Variants in MYO7A observed in about 807,000 individuals in gnomAD.
The protein encoded by MYO7A is myosin VIIA.
In MYO7A, 210 loss-of-function variants were observed where a neutral mutation model predicts 263.8. That is an observed-to-expected ratio of 0.80 (90% CI 0.71 to 0.89). The LOEUF (loss-of-function observed/expected upper bound fraction) is 0.89. MYO7A is among the 40% of genes least tolerant of loss of function. MYO7A has a pLI of 0.00. For synonymous variants in MYO7A, 1,239 were observed against 1,197.3 expected (o/e 1.03, Z -0.72); for missense variants, 2,820 against 2,968.3 (o/e 0.95, Z 1.16).
chr11:77,176,816 G>C (rs961367054), intron 18 of MYO7A, among the ~76,000 whole-genome samples: 10 of 152,182 alleles, frequency 6.6e-5, no homozygotes, highest in African/African-American at 4.8e-5. Context: ...ATGTCTCCCT[G>C]GTTCATTGTG....
intron 22 of MYO7A, among the ~76,000 whole-genome samples, chr11:77,180,839 C>T (rs1235763910): frequency 6.6e-6 from 1 of 152,152 alleles, no homozygotes; most frequent in African/African-American, 2.4e-5. Context: ...TGCAGTGTGG[C>T]CTGTCCGAAT....
intron 3 of MYO7A, among the ~76,000 whole-genome samples, chr11:77,143,283 G>C (rs1460231785): frequency 6.6e-6 from 1 of 152,220 alleles, no homozygotes; most frequent in Non-Finnish European, 1.5e-5. Flanking sequence ...CCATACATGA[G>C]ATCACACGTG....
chr11:77,192,363 C>A (rs2135578391), intron 31 of MYO7A, 85 bp downstream of exon 31: 1 of 1,369,042 alleles, frequency 7.3e-7, no homozygotes, highest in South Asian at 1.2e-5. Context: ...CCTCTGTGAG[C>A]CATCATTAGC....
At chr11:77,165,649 G>A (rs1333343819) in intron 14 of MYO7A, among the ~76,000 whole-genome samples, 2 of 152,214 alleles carry the variant, frequency 1.3e-5, no homozygotes, top group Non-Finnish European at 2.9e-5. Flanking sequence ...CAACCACAAG[G>A]TGGTTTTAAT....
chr11:77,175,039 C>A, intron 17 of MYO7A, 125 bp downstream of exon 17: 2 of 1,254,772 alleles, frequency 1.6e-6, no homozygotes, highest in Non-Finnish European at 2.2e-6. Flanking sequence ...AGGTGCAGCA[C>A]GGAAAATTGG....
At position 77,214,810 on chromosome 11, in the gene MYO7A, G is replaced by A. The variant is rs1200145638; in HGVS notation, c.*114G>A. The A allele has an allele frequency of 2.3e-6, 2 of 874,342 alleles. No individual in the cohort carries two copies. Among genetic ancestry groups the A allele is most frequent in the Non-Finnish European group, 3.5e-6 (2 of 564,648 alleles). 54.2% of individuals were successfully genotyped at this position (874,342 alleles called of 1,614,324 possible). On this transcript the variant is annotated 3_prime_UTR_variant, in exon 49 of 49. Coordinates refer to ENST00000409709, the MANE Select transcript of MYO7A (RefSeq NM_000260.4). ...TTATGCCATCCCGGCAGCGAGGCTG[G>A]GCTGGCCAGCCACCACTGACTATAC... is the stretch of plus-strand genomic sequence containing the variant.
At chr11:77,212,017 G>A (rs529310801) in intron 46 of MYO7A, 80 bp downstream of exon 46, 1 of 1,215,070 alleles carries the variant, frequency 8.2e-7, no homozygotes, top group East Asian at 2.5e-5. Context: ...CTAGGACTGT[G>A]GGAAAGAGCC....
intron 15 of MYO7A, among the ~76,000 whole-genome samples, chr11:77,171,187 G>A (rs550961648): frequency 1.8e-4 from 28 of 152,220 alleles, no homozygotes; most frequent in Non-Finnish European, 2.8e-4. Context: ...GTGTACACGC[G>A]GTGGTATGCG....
At chr11:77,176,294 A>G (rs782721722) in intron 18 of MYO7A, among the ~76,000 whole-genome samples, 4 of 152,112 alleles carry the variant, frequency 2.6e-5, no homozygotes, top group Non-Finnish European at 4.4e-5. Context: ...GCATTTCCTC[A>G]TCAGCAAGAT....
In MYO7A at chr11:77,208,774, A is replaced by G. The variant is rs569491791; in HGVS notation, c.6022A>G (p.Met2008Val). ...WTTTVPGKDP[M>V]ADSIFHYYQE... The stretch of plus-strand genomic sequence containing the variant: ...CACCACGGTGCCAGGGAAGGATCCC[A>G]TGGCCGATTCCATCTTCCACTATTA... The change falls in exon 44 of 49, where the codon ATG (methionine) becomes GTG (valine). Residue 2008 changes from methionine (M) to valine (V), a missense_variant. By Grantham distance (21) the Met-to-Val change is conservative (BLOSUM62 1). Transcript: ENST00000409709. The G allele has an allele frequency of 1.3e-6, 2 of 1,574,326 alleles. No homozygotes were observed. Among genetic ancestry groups the G allele is most frequent in the African/African-American group, 1.4e-5 (1 of 74,020 alleles).
At chr11:77,192,365 A>T (rs1956159430) in intron 31 of MYO7A, 87 bp downstream of exon 31, 10 of 1,366,740 alleles carry the variant, frequency 7.3e-6, no homozygotes, top group Non-Finnish European at 1.0e-6. Flanking sequence ...TCTGTGAGCC[A>T]TCATTAGCTC....
intron 4 of MYO7A, among the ~76,000 whole-genome samples, chr11:77,148,713 G>A (rs572052185): frequency 2.0e-5 from 3 of 152,216 alleles, no homozygotes; most frequent in South Asian, 2.1e-4. Flanking sequence ...TTAAAGCTGG[G>A]ACATTTAGAA....
chr11:77,130,399 T>A (rs1950734264), intron 1 of MYO7A, among the ~76,000 whole-genome samples, 190 bp from the exon 2 acceptor site: 1 of 152,142 alleles, frequency 6.6e-6, no homozygotes, highest in Non-Finnish European at 1.5e-5. Flanking sequence ...CTCTGGGCAG[T>A]GGTGCTGGTG....
At chr11:77,192,639 C>A (rs1055715648) in intron 31 of MYO7A, among the ~76,000 whole-genome samples, 3 of 152,224 alleles carry the variant, frequency 2.0e-5, no homozygotes, top group Admixed American at 6.5e-5. Flanking sequence ...TCCTTGAGAT[C>A]AGAATTTGCA....
intron 2 of MYO7A, chr11:77,142,506 G>C (rs1246426119): frequency 3.1e-6 from 2 of 649,710 alleles, no homozygotes; most frequent in Non-Finnish European, 5.7e-6. Context: ...TGTTCTAGAG[G>C]GGGGATTGAT....
intron 20 of MYO7A, 81 bp downstream of exon 20, chr11:77,179,210 A>C (rs1591369596): frequency 3.9e-6 from 5 of 1,289,810 alleles, no homozygotes; most frequent in Middle Eastern, 4.3e-4. Flanking sequence ...ACTGGCCTGC[A>C]CCCAGGCAGC....
chr11:77,178,132 T>TC (rs1266325157), intron 19 of MYO7A, among the ~76,000 whole-genome samples: 1 of 144,122 alleles, frequency 6.9e-6, no homozygotes, highest in Non-Finnish European at 1.5e-5. Context: ...GGTCACTCTC[T>TC]CCCTTCTTCC....
At chr11:77,189,246 G>A in intron 27 of MYO7A, 98 bp from the exon 28 acceptor site, 2 of 1,539,078 alleles carry the variant, frequency 1.3e-6, no homozygotes, top group South Asian at 1.2e-5. Flanking sequence ...AGTTGGAGAG[G>A]ACAGCTGTGT....
chr11:77,149,836 G>A (rs1951842946), intron 4 of MYO7A, among the ~76,000 whole-genome samples: 1 of 152,178 alleles, frequency 6.6e-6, no homozygotes, highest in South Asian at 2.1e-4. Flanking sequence ...CAGGGCATGG[G>A]GGGCTCTTCC....
Sources: allele counts gnomAD v4.1 joint callset (sites outside exome capture counted in the v4.1 genomes callset), GRCh38; gene constraint gnomAD v4.1.1; transcripts MANE v1.5; gene names NCBI Gene and HGNC (gene_info 2026-07-23, HGNC 2026-07-21).